The following RBM8A variants were observed in gnomAD, a reference collection of about 807,000 sequenced individuals.
The protein encoded by RBM8A is RNA binding motif protein 8A, also known as RNA-binding protein 8A.
A neutral mutation model predicts 25.1 loss-of-function variants in RBM8A; 8 were observed. That is an observed-to-expected ratio of 0.32 (90% CI 0.19 to 0.58). RBM8A has a LOEUF of 0.58. RBM8A is among the 20% of genes least tolerant of loss of function. The probability of loss-of-function intolerance (pLI) is 0.88; values close to 1 mark genes in which losing one functional copy is unlikely to be tolerated. For synonymous variants in RBM8A, 66 were observed against 80.0 expected, an observed-to-expected ratio of 0.82 and a Z score of 0.94; for missense variants, 114 against 236.8, an observed-to-expected ratio of 0.48 and a Z score of 3.40.
chr1:145,924,235 A>G lies in RBM8A; in HGVS notation c.*1647T>C, dbSNP rs879961227. On this transcript the variant is annotated 3_prime_UTR_variant, in exon 6 of 6. Coordinates refer to ENST00000583313, the MANE Select transcript of RBM8A (RefSeq NM_005105.5). ...TCACCAAAGGCAGCTTCAAGGCTCA[A>G]TGGCAAGAGACCACCTATAACCTCT... is the stretch of plus-strand genomic sequence containing the variant. 5 of 643,332 alleles carry G rather than the reference A, an allele frequency of 7.8e-6. No individual in the cohort carries two copies. The highest frequency in any genetic ancestry group is 3.0e-5 in the South Asian group (2 of 66,014). 39.9% of individuals were successfully genotyped at this position (643,332 alleles called of 1,614,324 possible).
In RBM8A at chr1:145,923,644, C is replaced by A. The variant is rs140286602; in HGVS notation, c.*2238G>T. 3.4e-3 allele frequency: 1,152 copies of A among 343,648 alleles called. 2 individuals carry two copies. The highest frequency in any genetic ancestry group is 5.1e-3 in the Non-Finnish European group (967 of 190,188). The allele number at this position is 343,648 out of a possible 1,614,324, so 21.3% of individuals were successfully genotyped here. A position where few individuals can be genotyped will look rare whatever the true frequency, so the allele number is the denominator to read the frequency against. Reference sequence around the variant, plus strand: ...TTTAACAAAAAGGGGGAGGGGCAGCCCAATAGCATTTGGAAAATGTTAAAT... The same window carrying A: ...TTTAACAAAAAGGGGGAGGGGCAGCACAATAGCATTTGGAAAATGTTAAAT... On this transcript the variant is annotated 3_prime_UTR_variant, in exon 6 of 6. Transcript: ENST00000583313.
intron 1 of RBM8A, 128 bp downstream of exon 1, chr1:145,927,232 T>C (rs1418680499): frequency 6.9e-7 from 1 of 1,448,958 alleles, no homozygotes; most frequent in Non-Finnish European, 9.5e-7. Context: ...GGGCGGAATC[T>C]CTAATCCACC....
intron 2 of RBM8A, 52 bp from the exon 3 acceptor site, chr1:145,926,938 T>TC (rs1190592329): frequency 6.2e-7 from 1 of 1,613,816 alleles, no homozygotes. Flanking sequence ...CTCCCATTGT[T>TC]CCTATGAGGT....
Position 145,926,831 on chromosome 1 carries a change from G to A in RBM8A, c.183C>T (p.Gly61=), listed in dbSNP as rs1553756033. The A allele has an allele frequency of 1.2e-6, 2 of 1,613,930 alleles. No homozygotes were observed. Among genetic ancestry groups the A allele is most frequent in the Admixed American group, 1.7e-5 (1 of 60,000 alleles). ...REDYDSVEQD[G]DEPGPQRSVE... is the part of the protein sequence containing the mutation. ...CACAGCGTTGTGGTCCGGGTTCATC[G>A]CCATCCTGCTCCACGCTGTCATAAT... is the stretch of plus-strand genomic sequence containing the variant. Residue 61 remains glycine (G), a synonymous_variant, in exon 3 of 6, where the codon GGC becomes GGT. Coordinates refer to ENST00000583313, the MANE Select transcript of RBM8A (RefSeq NM_005105.5).
rs1229008381 is a variant in RBM8A at position 145,925,802 on chromosome 1, G to A, written c.*80C>T. On this transcript the variant is annotated 3_prime_UTR_variant, in exon 6 of 6. Coordinates refer to ENST00000583313, the MANE Select transcript of RBM8A (RefSeq NM_005105.5). ...AAGAGATTAAATATAAACACAGCAAGTTCCACCCCAGTCCTATTTGTCCAA... is the reference window on the plus strand; with the variant it reads ...AAGAGATTAAATATAAACACAGCAAATTCCACCCCAGTCCTATTTGTCCAA... 2 of 1,455,118 alleles carry A rather than the reference G, an allele frequency of 1.4e-6. No individual in the cohort carries two copies. The highest frequency in any genetic ancestry group is 2.3e-5 in the South Asian group (2 of 87,304). The allele number at this position is 1,455,118 out of a possible 1,614,324, so 90.1% of individuals were successfully genotyped here.
At chr1:145,926,357 A>G in intron 4 of RBM8A, 125 bp downstream of exon 4, 1 of 1,486,402 alleles carries the variant, frequency 6.7e-7, no homozygotes, top group South Asian at 1.3e-5. Context: ...GTGTCTGACA[A>G]AACATAGATT....
rs1648188572 is a variant in RBM8A at position 145,926,876 on chromosome 1, G to A, written c.138C>T (p.Ser46=). 5 of 1,613,826 alleles carry A rather than the reference G, an allele frequency of 3.1e-6. No individual in the cohort carries two copies. The highest frequency in any genetic ancestry group is 4.2e-6 in the Non-Finnish European group (5 of 1,179,970). Residue 46 remains serine, a synonymous_variant, in exon 3 of 6, where the codon TCC becomes TCT. Coordinates refer to ENST00000583313, the MANE Select transcript of RBM8A (RefSeq NM_005105.5). ...KGRGFGSEEG[S]RARMREDYDS... Reference sequence around the variant, plus strand: ...CATAATCCTCACGCATCCGCGCTCGGGACCCCTCTTCTATAAGGGACATAC... The same window carrying A: ...CATAATCCTCACGCATCCGCGCTCGAGACCCCTCTTCTATAAGGGACATAC...
rs1302651027 is a variant in RBM8A at position 145,922,870 on chromosome 1, G to A, written c.*3012C>T. 1.3e-5 allele frequency: 2 copies of A among 151,950 alleles called. No homozygotes were observed. The highest frequency in any genetic ancestry group is 2.9e-5 in the Non-Finnish European group (2 of 67,992). The allele number at this position is 151,950 out of a possible 1,614,324, so 9.4% of individuals were successfully genotyped here. A position where few individuals can be genotyped will look rare whatever the true frequency, so the allele number is the denominator to read the frequency against. On this transcript the variant is annotated 3_prime_UTR_variant, in exon 6 of 6. Transcript: ENST00000583313. Reference sequence around the variant, plus strand: ...GTAAATGGCAATAAAACAGGATAAAGGAAAGATCAAAACAAGGCTGTGGAC... The same window carrying A: ...GTAAATGGCAATAAAACAGGATAAAAGAAAGATCAAAACAAGGCTGTGGAC...
At position 145,925,773 on chromosome 1, in the gene RBM8A, C is replaced by A. The variant is rs113989026; in HGVS notation, c.*109G>T. Reference sequence around the variant, plus strand: ...TCGCAACTCAAATACTACGCATATACGGTAAGAGATTAAATATAAACACAG... The same window carrying A: ...TCGCAACTCAAATACTACGCATATAAGGTAAGAGATTAAATATAAACACAG... On this transcript the variant is annotated 3_prime_UTR_variant, in exon 6 of 6. Coordinates refer to ENST00000583313, the MANE Select transcript of RBM8A (RefSeq NM_005105.5). The A allele has an allele frequency of 1.5e-6, 2 of 1,302,698 alleles. No homozygotes were observed. Among genetic ancestry groups the A allele is most frequent in the Admixed American group, 3.6e-5 (2 of 55,712 alleles). The allele number at this position is 1,302,698 out of a possible 1,614,324, so 80.7% of individuals were successfully genotyped here.
rs200836721 is a variant in RBM8A, at chr1:145,926,463, A to T, written c.342+19T>A. The T allele has an allele frequency of 1.9e-6, 3 of 1,613,186 alleles. No individual in the cohort carries two copies. The highest frequency in any genetic ancestry group is 2.5e-6 in the Non-Finnish European group (3 of 1,179,504). ...AGGCTTATGAAAGAAAGGAGGCAAT[A>T]AAGTGTCACTTAGGATACCTTCAGA... On this transcript the variant is annotated intron_variant, in intron 4 of 5. Transcript: ENST00000583313.
intron 1 of RBM8A, 33 bp from the exon 2 acceptor site, chr1:145,927,110 T>G: frequency 6.2e-7 from 1 of 1,604,420 alleles, no homozygotes; most frequent in South Asian, 1.1e-5. Context: ...AATAAGTAAC[T>G]ATGACAGTCA....
chr1:145,927,306 T>C lies in RBM8A; in HGVS notation c.67+54A>G, dbSNP rs115878872. The stretch of plus-strand genomic sequence containing the variant: ...GAAAAAAGAGTAAATTTTCCTATTA[T>C]AGCCTTCTCTCGCACCTTCCCCGCT... On this transcript the variant is annotated intron_variant, in intron 1 of 5. Coordinates refer to ENST00000583313, the MANE Select transcript of RBM8A (RefSeq NM_005105.5). 1,696 of 1,574,778 alleles carry C rather than the reference T, an allele frequency of 1.1e-3. 20 individuals are homozygous for C. In the African/African-American group the frequency reaches 0.021, roughly 19 times the overall value.
chr1:145,925,815 C>G lies in RBM8A; in HGVS notation c.*67G>C, dbSNP rs142839636. 1.3e-6 allele frequency: 2 copies of G among 1,507,926 alleles called. No individual in the cohort carries two copies. The highest frequency in any genetic ancestry group is 2.8e-5 in the African/African-American group (2 of 72,368). 93.4% of individuals were successfully genotyped at this position (1,507,926 alleles called of 1,614,324 possible). ...TAAACACAGCAAGTTCCACCCCAGT[C>G]CTATTTGTCCAAGGCTGCATGGTCA... On this transcript the variant is annotated 3_prime_UTR_variant, in exon 6 of 6. Coordinates refer to ENST00000583313, the MANE Select transcript of RBM8A (RefSeq NM_005105.5).
chr1:145,926,397 T>C (rs1436899279), intron 4 of RBM8A, 85 bp downstream of exon 4: 6 of 1,549,082 alleles, frequency 3.9e-6, no homozygotes, highest in African/African-American at 1.4e-5. Flanking sequence ...AACTTTGCTC[T>C]TGGCCAACCA....
Position 145,926,561 on chromosome 1 carries a change from T to A in RBM8A, c.263A>T (p.Asp88Val). 1 of 1,614,172 alleles carries A rather than the reference T, an allele frequency of 6.2e-7. No homozygotes were observed. Among genetic ancestry groups the A allele is most frequent in the Non-Finnish European group, 8.5e-7 (1 of 1,180,030 alleles). ...TGVHEEATEEDIHDKFAEYGE... is the reference protein window; with the variant it reads ...TGVHEEATEEVIHDKFAEYGE... ...ATATTCTGCGAATTTGTCGTGTATG[T>A]CTTCTTCGGTGGCTTCCTCATGGAC... The change falls in exon 4 of 6, where the codon GAC becomes GTC. Residue 88 changes from aspartate to valine, a missense_variant. Physicochemically the swap from Asp to Val is radical, Grantham distance 152 (BLOSUM62 -3). Coordinates refer to ENST00000583313, the MANE Select transcript of RBM8A (RefSeq NM_005105.5).
At position 145,925,897 on chromosome 1, in the gene RBM8A, G is replaced by A; in HGVS notation, c.510C>T (p.Asp170=). The A allele has an allele frequency of 1.2e-6, 2 of 1,614,064 alleles. No homozygotes were observed. Among genetic ancestry groups the A allele is most frequent in the South Asian group, 2.2e-5 (2 of 91,076 alleles). ...AGAGGACCTGTCAGCGACGTCTCCG[G>A]TCTGGACTTCTGCTGCGTCTTCGGC... ...RGGRRRSRSP[D]RRRR The change falls in exon 6 of 6, where the codon GAC becomes GAT. Residue 170 remains aspartate (D), a synonymous_variant. Coordinates refer to ENST00000583313, the MANE Select transcript of RBM8A (RefSeq NM_005105.5).
Position 145,922,592 on chromosome 1 carries a change from T to C in RBM8A, c.*3290A>G, listed in dbSNP as rs150275951. On this transcript the variant is annotated 3_prime_UTR_variant, in exon 6 of 6. Transcript: ENST00000583313. ...TTTCAATGGCAAACTGGTTGTGACA[T>C]GATACATGTGCGAAAGGTGATTTTT... 2 of 152,248 alleles carry C rather than the reference T, an allele frequency of 1.3e-5. No homozygotes were observed. Among genetic ancestry groups the C allele is most frequent in the African/African-American group, 4.8e-5 (2 of 41,466 alleles). 9.4% of individuals were successfully genotyped at this position (152,248 alleles called of 1,614,324 possible).
chr1:145,925,885 G>C lies in RBM8A; in HGVS notation c.522C>G (p.Arg174=), dbSNP rs782322060. The C allele has an allele frequency of 6.2e-7, 1 of 1,613,704 alleles. No homozygotes were observed. The highest frequency in any genetic ancestry group is 8.5e-7 in the Non-Finnish European group (1 of 1,179,918). The change falls in exon 6 of 6, where the codon CGC becomes CGG. Residue 174 remains arginine (R), a synonymous_variant. Transcript: ENST00000583313. ...CACCTGGACAACAGAGGACCTGTCAGCGACGTCTCCGGTCTGGACTTCTGC... is the reference window on the plus strand; with the variant it reads ...CACCTGGACAACAGAGGACCTGTCACCGACGTCTCCGGTCTGGACTTCTGC... ...RRSRSPDRRR[R]
Position 145,924,510 on chromosome 1 carries a change from A to G in RBM8A, c.*1372T>C, listed in dbSNP as rs1647992393. Reference sequence around the variant, plus strand: ...CCATGTCTAGCACCTGATGCTAGAGATAATTTTGTTGAATCCCTTCAATTA... The same window carrying G: ...CCATGTCTAGCACCTGATGCTAGAGGTAATTTTGTTGAATCCCTTCAATTA... On this transcript the variant is annotated 3_prime_UTR_variant, in exon 6 of 6. Coordinates refer to ENST00000583313, the MANE Select transcript of RBM8A (RefSeq NM_005105.5). 1 of 377,102 alleles carries G rather than the reference A, an allele frequency of 2.7e-6. No individual in the cohort carries two copies. Among genetic ancestry groups the G allele is most frequent in the African/African-American group, 2.1e-5 (1 of 46,898 alleles). The allele number at this position is 377,102 out of a possible 1,614,324, so 23.4% of individuals were successfully genotyped here.
Sources: allele counts gnomAD v4.1 joint callset, GRCh38; gene constraint gnomAD v4.1.1; transcripts MANE v1.5; gene names NCBI Gene and HGNC (gene_info 2026-07-23, HGNC 2026-07-21).